ITGAV: variants seen among roughly 807,000 people sequenced by gnomAD.
ITGAV encodes the protein integrin subunit alpha V.
A neutral mutation model predicts 143.8 loss-of-function variants in ITGAV; 76 were observed. That is an observed-to-expected ratio of 0.53 (90% CI 0.44 to 0.64). ITGAV has a LOEUF of 0.64. ITGAV is among the 30% of genes least tolerant of loss of function. The pLI, the probability that ITGAV is intolerant of heterozygous loss-of-function variation, is 0.00. For synonymous variants in ITGAV, 453 were observed against 446.7 expected (o/e 1.01, Z -0.18); for missense variants, 1,193 against 1,274.7 (o/e 0.94, Z 0.98).
At chr2:186,617,272 T>C (rs1280383594) in intron 2 of ITGAV, among the ~76,000 whole-genome samples, 1 of 152,196 alleles carries the variant, frequency 6.6e-6, no homozygotes, top group Non-Finnish European at 1.5e-5. Flanking sequence ...AAACAAAACA[T>C]TTTGCTTAGG....
chr2:186,643,886 T>TA (rs1688176935), intron 12 of ITGAV, among the ~76,000 whole-genome samples: 1 of 152,204 alleles, frequency 6.6e-6, no homozygotes, highest in Non-Finnish European at 1.5e-5. Flanking sequence ...TAATTTTTAT[T>TA]AAACAGTCAC....
At chr2:186,638,175 C>A in intron 8 of ITGAV, 102 bp from the exon 9 acceptor site, 1 of 929,968 alleles carries the variant, frequency 1.1e-6, no homozygotes, top group Non-Finnish European at 1.7e-6. Context: ...TTGTTTTGAA[C>A]TGAAGTAGTA....
At chr2:186,647,788 A>C (rs1688303310) in intron 13 of ITGAV, among the ~76,000 whole-genome samples, 1 of 152,166 alleles carries the variant, frequency 6.6e-6, no homozygotes. Context: ...CTTTAAATGA[A>C]ATACAGTGTA....
intron 4 of ITGAV, among the ~76,000 whole-genome samples, chr2:186,628,980 T>C (rs1212261792): frequency 6.6e-6 from 1 of 152,072 alleles, no homozygotes; most frequent in East Asian, 1.9e-4. Flanking sequence ...GTACAAATTA[T>C]TGAGTAATAA....
intron 3 of ITGAV, 28 bp from the exon 4 acceptor site, chr2:186,625,445 G>A (rs373108509): frequency 2.1e-5 from 30 of 1,462,500 alleles, no homozygotes; most frequent in Non-Finnish European, 2.5e-5. Flanking sequence ...GAAAATCTTC[G>A]TGTCGTGGAC....
At chr2:186,672,112 C>T (rs757443465) in intron 26 of ITGAV, among the ~76,000 whole-genome samples, 5 of 152,026 alleles carry the variant, frequency 3.3e-5, no homozygotes, top group African/African-American at 4.8e-5. Context: ...CCACCACACC[C>T]GGCTAATTTT....
Position 186,677,873 on chromosome 2 carries a change from G to A in ITGAV, c.*581G>A, listed in dbSNP as rs371718731. ...CCAAATTCTTGCTTTTAATAACAAAGGTACAATATTTTGTTTTAGTATGAA... is the reference window on the plus strand; with the variant it reads ...CCAAATTCTTGCTTTTAATAACAAAAGTACAATATTTTGTTTTAGTATGAA... On this transcript the variant is annotated 3_prime_UTR_variant, in exon 30 of 30. Transcript: ENST00000261023. 4 of 152,284 alleles carry A rather than the reference G, an allele frequency of 2.6e-5. No homozygotes were observed. Among genetic ancestry groups the A allele is most frequent in the South Asian group, 4.2e-4 (2 of 4,798 alleles). The allele number at this position is 152,284 out of a possible 1,614,324, so 9.4% of individuals were successfully genotyped here. A position where few individuals can be genotyped will look rare whatever the true frequency, so the allele number is the denominator to read the frequency against.
chr2:186,592,770 T>A (rs1401084852), intron 1 of ITGAV, among the ~76,000 whole-genome samples: 1 of 152,146 alleles, frequency 6.6e-6, no homozygotes, highest in Non-Finnish European at 1.5e-5. Flanking sequence ...TGGTTGCATA[T>A]AATATTTTGA....
chr2:186,611,039 C>G (rs1559042133), intron 2 of ITGAV, among the ~76,000 whole-genome samples: 1 of 152,110 alleles, frequency 6.6e-6, no homozygotes, highest in Non-Finnish European at 1.5e-5. Context: ...AGGTGAGAAA[C>G]TGTTTCCTTT....
intron 26 of ITGAV, among the ~76,000 whole-genome samples, chr2:186,672,296 C>A (rs1055218887): frequency 7.9e-5 from 12 of 152,126 alleles, no homozygotes; most frequent in Non-Finnish European, 1.2e-4. Context: ...TGTGGACATA[C>A]CACCTTTTGT....
rs760338153 is a variant in ITGAV at position 186,646,772 on chromosome 2, G to C, written c.1246G>C (p.Val416Leu). The C allele has an allele frequency of 6.2e-6, 10 of 1,613,140 alleles. No individual in the cohort carries two copies. Among genetic ancestry groups the C allele is most frequent in the Non-Finnish European group, 7.6e-6 (9 of 1,179,444 alleles). The stretch of plus-strand genomic sequence containing the variant: ...TGGAAGATCAACAGGCTTGAACGCA[G>C]TCCCATCTCAAATCCTTGAAGGGCA... ...FNGRSTGLNA[V>L]PSQILEGQWA... The change falls in exon 13 of 30, where the codon GTC becomes CTC. Residue 416 changes from valine to leucine, a missense_variant. Transcript: ENST00000261023.
chr2:186,607,904 A>G (rs1687113470), intron 2 of ITGAV, among the ~76,000 whole-genome samples: 1 of 152,166 alleles, frequency 6.6e-6, no homozygotes, highest in Non-Finnish European at 1.5e-5. Flanking sequence ...CCTGATAGGG[A>G]TGTCATAGCT....
intron 13 of ITGAV, among the ~76,000 whole-genome samples, chr2:186,647,408 G>A (rs1188216227): frequency 6.6e-6 from 1 of 151,726 alleles, no homozygotes; most frequent in Non-Finnish European, 1.5e-5. Context: ...GCTAATTTTT[G>A]CATGGTTTGT....
At chr2:186,635,224 T>C (rs1264735055) in intron 6 of ITGAV, among the ~76,000 whole-genome samples, 1 of 152,196 alleles carries the variant, frequency 6.6e-6, no homozygotes, top group African/African-American at 2.4e-5. Flanking sequence ...ATAAGTACGT[T>C]AGAATGAATT....
At chr2:186,615,094 CAG>C (rs1687315658) in intron 2 of ITGAV, among the ~76,000 whole-genome samples, 2 of 152,050 alleles carry the variant, frequency 1.3e-5, no homozygotes, top group South Asian at 4.1e-4. Flanking sequence ...TTTATATAAA[CAG>C]AATTATATGA....
At chr2:186,634,651 A>G (rs1687905426) in intron 6 of ITGAV, among the ~76,000 whole-genome samples, 2 of 152,222 alleles carry the variant, frequency 1.3e-5, no homozygotes, top group Admixed American at 1.3e-4. Flanking sequence ...TGTGAGACAT[A>G]GCAAAGCTGA....
chr2:186,639,132 A>G (rs1321556492), intron 10 of ITGAV, among the ~76,000 whole-genome samples: 2 of 152,208 alleles, frequency 1.3e-5, no homozygotes, highest in Non-Finnish European at 2.9e-5. Context: ...TCTCAGCTAA[A>G]AAAATGCTAG....
intron 1 of ITGAV, among the ~76,000 whole-genome samples, chr2:186,601,160 A>G (rs1452998350): frequency 6.6e-6 from 1 of 152,088 alleles, no homozygotes; most frequent in Non-Finnish European, 1.5e-5. Context: ...CTTAATGACA[A>G]AGAAATTGAA....
In ITGAV at chr2:186,633,329, G is replaced by T; in HGVS notation, c.586G>T (p.Ala196Ser). Residue 196 changes from alanine to serine, a missense_variant and splice_region_variant, in exon 6 of 30, where the codon GCT becomes TCT. Ala to Ser is a moderately conservative substitution (Grantham distance 99). Transcript: ENST00000261023. ...QGGFSIDFTK[A>S]DRVLLGGPGS... ...CTTTTTGTTGTGTGATTTCATCTAG[G>T]CTGACAGAGTACTTCTTGGTGGTCC... The T allele has an allele frequency of 6.4e-7, 1 of 1,574,718 alleles. No individual in the cohort carries two copies.
Sources: allele counts gnomAD v4.1 joint callset (sites outside exome capture counted in the v4.1 genomes callset), GRCh38; gene constraint gnomAD v4.1.1; transcripts MANE v1.5; gene names NCBI Gene and HGNC (gene_info 2026-07-23, HGNC 2026-07-21).